Variants in DMD observed in about 807,000 individuals in gnomAD.
The protein encoded by DMD is mutant dystrophin.
DMD carries 63 observed loss-of-function variants against 330.1 expected under a neutral mutation model. The ratio of observed to expected loss-of-function variants is 0.19; its 90% CI spans 0.16 to 0.24. The LOEUF (loss-of-function observed/expected upper bound fraction) is 0.24, where lower values mean the gene tolerates loss of function less well. Ranked by LOEUF, DMD falls within the 10% of genes least tolerant of loss-of-function variation. The pLI, the probability that DMD is intolerant of heterozygous loss-of-function variation, is 1.00. For missense variants in DMD, 3,344 were observed against 2,684.1 expected (o/e 1.25, Z -5.43); for synonymous variants, 1,223 against 959.8 (o/e 1.27, Z -5.07).
chrX:33,184,759 T>C (rs755501208), intron 1 of DMD, among the ~76,000 whole-genome samples: 10 of 94,865 alleles, frequency 1.1e-4, no homozygotes, highest in African/African-American at 4.0e-4. Context: ...AGTCTCGCTC[T>C]GTCGCCCAGG....
chrX:32,855,351 G>A (rs779082178), intron 2 of DMD, among the ~76,000 whole-genome samples: 33 of 111,936 alleles, frequency 2.9e-4, no homozygotes, highest in Admixed American at 8.5e-4. Flanking sequence ...CATCCAGATT[G>A]AAAAGGAAGA....
Position 31,121,323 on chromosome X carries a change from G to A in DMD, c.*596C>T, listed in dbSNP as rs1225891710. The A allele has an allele frequency of 8.4e-6, 1 of 119,434 alleles. No homozygotes were observed. Among genetic ancestry groups the A allele is most frequent in the Non-Finnish European group, 1.7e-5 (1 of 58,561 alleles). 9.8% of individuals were successfully genotyped at this position (119,434 alleles called of 1,213,427 possible). On this transcript the variant is annotated 3_prime_UTR_variant, in exon 79 of 79. Transcript: ENST00000357033. ...GTGTGTAGTAGTCATTTGGTGTGGT[G>A]GTAGAGGAAGTCTTATCTTTAATAT...
At chrX:32,803,815 CTG>C (rs1252549869) in intron 7 of DMD, among the ~76,000 whole-genome samples, 1 of 112,045 alleles carries the variant, frequency 8.9e-6, no homozygotes, top group Non-Finnish European at 1.9e-5. Flanking sequence ...GCACTGTGAT[CTG>C]AGAGGCTGTT....
intron 7 of DMD, among the ~76,000 whole-genome samples, chrX:32,794,719 A>C (rs2076062949): frequency 8.9e-6 from 1 of 112,413 alleles, no homozygotes; most frequent in Non-Finnish European, 1.9e-5. Flanking sequence ...CTAATAGAAG[A>C]AATCGTTGTC....
chrX:32,304,838 C>A (rs1390372337), intron 42 of DMD, among the ~76,000 whole-genome samples: 1 of 111,303 alleles, frequency 9.0e-6, no homozygotes, highest in Non-Finnish European at 1.9e-5. Flanking sequence ...TCAGTTTCTA[C>A]AAAGTCACAA....
intron 9 of DMD, among the ~76,000 whole-genome samples, chrX:32,651,490 T>G (rs946948056): frequency 8.9e-6 from 1 of 111,950 alleles, no homozygotes; most frequent in Non-Finnish European, 1.9e-5. Flanking sequence ...TTTCTTAATT[T>G]CCACAAATTC....
intron 48 of DMD, among the ~76,000 whole-genome samples, chrX:31,852,685 A>G (rs1410723785): frequency 8.9e-6 from 1 of 111,807 alleles, no homozygotes; most frequent in Non-Finnish European, 1.9e-5. Flanking sequence ...AAGTATGCAT[A>G]ATTATTCCAC....
chrX:31,179,227 T>C (rs1182869093), intron 69 of DMD, among the ~76,000 whole-genome samples: 2 of 112,635 alleles, frequency 1.8e-5, no homozygotes, highest in Non-Finnish European at 3.8e-5. Flanking sequence ...GGTCTATTCA[T>C]AGCATGGTAC....
chrX:32,706,884 A>T (rs1361406902), intron 7 of DMD, among the ~76,000 whole-genome samples: 1 of 111,212 alleles, frequency 9.0e-6, no homozygotes, highest in African/African-American at 3.3e-5. Flanking sequence ...TGAGGTCAGG[A>T]GTTCAGAGAC....
At chrX:32,412,126 G>A in intron 29 of DMD, 1 of 1,155,464 alleles carries the variant, frequency 8.7e-7, no homozygotes, top group Non-Finnish European at 1.2e-6. Flanking sequence ...TAGGATCAGG[G>A]ATCTCTGCAT....
intron 7 of DMD, among the ~76,000 whole-genome samples, chrX:32,773,702 A>G (rs1461948067): frequency 9.1e-6 from 1 of 109,892 alleles, no homozygotes; most frequent in Non-Finnish European, 1.9e-5. Context: ...TCACTTAACA[A>G]TGTCCTCCAG....
At position 31,121,771 on chromosome X, in the gene DMD, CT is replaced by C; in HGVS notation, c.*147del. The C allele has an allele frequency of 1.2e-6, 1 of 840,820 alleles. No homozygotes were observed. Among genetic ancestry groups the C allele is most frequent in the Non-Finnish European group, 1.8e-6 (1 of 559,194 alleles). 69.3% of individuals were successfully genotyped at this position (840,820 alleles called of 1,213,427 possible). On this transcript the variant is annotated 3_prime_UTR_variant, in exon 79 of 79. Coordinates refer to ENST00000357033, the MANE Select transcript of DMD (RefSeq NM_004006.3). ...TTTATTTCTTGTAAACTCTTACTGTCTAATCCTCTTTGTTGTATGAATATTA... is the reference window on the plus strand; with the variant it reads ...TTTATTTCTTGTAAACTCTTACTGTCAATCCTCTTTGTTGTATGAATATTA...
At chrX:32,822,886 C>T (rs958411679) in intron 5 of DMD, among the ~76,000 whole-genome samples, 1 of 111,114 alleles carries the variant, frequency 9.0e-6, no homozygotes, top group Admixed American at 9.6e-5. Flanking sequence ...CCATATTCTA[C>T]TAATCTTTTA....
intron 11 of DMD, among the ~76,000 whole-genome samples, chrX:32,619,387 T>A: frequency 9.0e-6 from 1 of 111,373 alleles, no homozygotes; most frequent in Non-Finnish European, 1.9e-5. Context: ...TGATGTATTT[T>A]ACAGCATGGT....
chrX:31,779,395 G>A (rs998991768), intron 50 of DMD, among the ~76,000 whole-genome samples: 1 of 111,096 alleles, frequency 9.0e-6, no homozygotes, highest in African/African-American at 3.3e-5. Context: ...CCCCTATCTT[G>A]GGTTACAAGA....
intron 60 of DMD, among the ~76,000 whole-genome samples, chrX:31,403,659 G>A (rs183137267): frequency 1.1e-3 from 127 of 111,502 alleles, no homozygotes; most frequent in African/African-American, 3.9e-3. Context: ...CTATTGAAAT[G>A]AGGTCAACTA....
chrX:32,595,690 T>G lies in DMD; in HGVS notation c.1602+67A>C, dbSNP rs183899985. ...ATATATAAATTGCATTCTAAATTTT[T>G]AAAATACTTTTCAAGTTATAGTTCT... On this transcript the variant is annotated intron_variant, in intron 13 of 78. Transcript: ENST00000357033. 12 of 1,089,593 alleles carry G rather than the reference T, an allele frequency of 1.1e-5. No individual in the cohort carries two copies. The Admixed American group carries it at 2.5e-4, about 23-fold the overall frequency. The allele number at this position is 1,089,593 out of a possible 1,213,427, so 89.8% of individuals were successfully genotyped here.
At chrX:31,510,727 T>C (rs1056869930) in intron 55 of DMD, among the ~76,000 whole-genome samples, 1 of 109,975 alleles carries the variant, frequency 9.1e-6, no homozygotes, top group African/African-American at 3.3e-5. Flanking sequence ...GCCAGGATGG[T>C]CTCGATCTCC....
At chrX:32,272,185 A>T (rs1167177058) in intron 43 of DMD, among the ~76,000 whole-genome samples, 1 of 112,019 alleles carries the variant, frequency 8.9e-6, no homozygotes. Context: ...ATAAATAGGT[A>T]AACAGAGAGT....
Sources: allele counts gnomAD v4.1 joint callset (sites outside exome capture counted in the v4.1 genomes callset), GRCh38; gene constraint gnomAD v4.1.1; transcripts MANE v1.5; gene names NCBI Gene and HGNC (gene_info 2026-07-23, HGNC 2026-07-21).